EXPH5: variants seen among roughly 807,000 people sequenced by gnomAD.
EXPH5 encodes exophilin 5, also known as exophilin-5.
In EXPH5, 42 loss-of-function variants were observed where a neutral mutation model predicts 41.1. The ratio of observed to expected loss-of-function variants is 1.02; its 90% CI spans 0.80 to 1.32. The LOEUF (loss-of-function observed/expected upper bound fraction) is 1.32, where lower values mean the gene tolerates loss of function less well. Ranked by LOEUF, EXPH5 falls within the 40% of genes most tolerant of loss-of-function variation. EXPH5 has a pLI of 0.00. For missense variants in EXPH5, 2,298 were observed against 2,314.5 expected, an observed-to-expected ratio of 0.99 and a Z score of 0.15; for synonymous variants, 798 against 833.5, an observed-to-expected ratio of 0.96 and a Z score of 0.73.
chr11:108,548,109 T>TAA (rs66485994), intron 1 of EXPH5, among the ~76,000 whole-genome samples: 4,415 of 108,088 alleles, frequency 0.041, 199 homozygotes, highest in African/African-American at 0.075. Flanking sequence ...ACTTCATCTT[T>TAA]AAAAAAAAAA....
chr11:108,523,664 G>C (rs2093779624), intron 4 of EXPH5, among the ~76,000 whole-genome samples: 1 of 152,190 alleles, frequency 6.6e-6, no homozygotes, highest in African/African-American at 2.4e-5. Context: ...TTGAGCTCCA[G>C]AGTTCAAGAC....
At chr11:108,539,966 A>G (rs565326807) in intron 2 of EXPH5, among the ~76,000 whole-genome samples, 128 of 152,174 alleles carry the variant, frequency 8.4e-4, no homozygotes, top group Non-Finnish European at 1.6e-3. Flanking sequence ...TGTATAATAT[A>G]TATGTATAGA....
rs2094134073 is a variant in EXPH5, at chr11:108,593,657, C to G, written c.-121G>C. On this transcript the variant is annotated 5_prime_UTR_variant, in exon 1 of 6. Coordinates refer to ENST00000265843, the MANE Select transcript of EXPH5 (RefSeq NM_015065.3). ...TCCCACAGCCAATAATAAGTCCGCC[C>G]CTTTGAAAGTCTAAAACCACAAACC... 5 of 1,578,802 alleles carry G rather than the reference C, an allele frequency of 3.2e-6. No individual in the cohort carries two copies. The highest frequency in any genetic ancestry group is 3.3e-4 in the Middle Eastern group (2 of 6,036).
the EXPH5 span, among the ~76,000 whole-genome samples, chr11:108,598,849 C>G: frequency 6.6e-6 from 1 of 152,168 alleles, no homozygotes; most frequent in African/African-American, 2.4e-5. Context: ...CAAGGGAGTT[C>G]AGATTCCATC....
At chr11:108,595,333 G>A (rs532404025), upstream of EXPH5, among the ~76,000 whole-genome samples, 1 of 152,356 alleles carries the variant, frequency 6.6e-6, no homozygotes, top group Non-Finnish European at 1.5e-5. Flanking sequence ...AGTGCCAACT[G>A]AGTGGATGGA....
intron 3 of EXPH5, among the ~76,000 whole-genome samples, chr11:108,530,543 C>T (rs536409416): frequency 3.0e-4 from 45 of 152,236 alleles, no homozygotes; most frequent in African/African-American, 1.0e-3. Flanking sequence ...CAAGGGAGGC[C>T]GGGGACTGGC....
At chr11:108,538,048 A>G in intron 3 of EXPH5, 2 of 985,416 alleles carry the variant, frequency 2.0e-6, no homozygotes, top group Non-Finnish European at 2.4e-6. Flanking sequence ...CTTTCATCAG[A>G]CAAAAACAGC....
At chr11:108,586,339 C>T (rs1426221867) in intron 1 of EXPH5, among the ~76,000 whole-genome samples, 1 of 152,150 alleles carries the variant, frequency 6.6e-6, no homozygotes, top group Non-Finnish European at 1.5e-5. Flanking sequence ...GTATTCTGTG[C>T]TTCCATTTAT....
intron 1 of EXPH5, among the ~76,000 whole-genome samples, chr11:108,556,411 A>G (rs1443381377): frequency 6.6e-6 from 1 of 151,982 alleles, no homozygotes; most frequent in Non-Finnish European, 1.5e-5. Flanking sequence ...GGGACCTACT[A>G]CAGGAGAAGG....
At chr11:108,596,064 G>A (rs570411693), upstream of EXPH5, among the ~76,000 whole-genome samples, 19 of 152,100 alleles carry the variant, frequency 1.2e-4, no homozygotes, top group South Asian at 3.9e-3. Flanking sequence ...AGCCCAGCAT[G>A]TGCACCTGTA....
intron 1 of EXPH5, among the ~76,000 whole-genome samples, chr11:108,564,903 C>T (rs1472843476): frequency 1.7e-5 from 2 of 118,420 alleles, no homozygotes; most frequent in Non-Finnish European, 1.7e-5. Context: ...ATATGTGTAG[C>T]TTTTTTTTTT....
intron 3 of EXPH5, among the ~76,000 whole-genome samples, chr11:108,529,441 T>C (rs908266088): frequency 6.6e-6 from 1 of 152,170 alleles, no homozygotes; most frequent in African/African-American, 2.4e-5. Flanking sequence ...CAGGTCATCC[T>C]CCTACCTCAG....
chr11:108,566,717 C>G (rs1487546562), intron 1 of EXPH5, among the ~76,000 whole-genome samples: 1 of 151,880 alleles, frequency 6.6e-6, no homozygotes, highest in East Asian at 1.9e-4. Context: ...ATAAATAATC[C>G]CAGCCCCTCT....
chr11:108,512,168 T>A lies in EXPH5; in HGVS notation c.3339A>T (p.Gly1113=), dbSNP rs1248615578. 6.2e-7 allele frequency: 1 copy of A among 1,612,394 alleles called. No individual in the cohort carries two copies. Among genetic ancestry groups the A allele is most frequent in the Non-Finnish European group, 8.5e-7 (1 of 1,179,316 alleles). The change falls in exon 6 of 6, where the codon GGA becomes GGT. Residue 1113 remains glycine (G), a synonymous_variant. Coordinates refer to ENST00000265843, the MANE Select transcript of EXPH5 (RefSeq NM_015065.3). ...KSSGSTSVRK[G]PLPFLINRAM... is the part of the protein sequence containing the mutation. ...CCCTGTTGATGAGGAATGGAAGTGG[T>A]CCTTTTCTAACGGAAGTAGATCCAC... is the stretch of plus-strand genomic sequence containing the variant.
At chr11:108,600,944 T>C in the EXPH5 span, among the ~76,000 whole-genome samples, 1 of 152,218 alleles carries the variant, frequency 6.6e-6, no homozygotes, top group Non-Finnish European at 1.5e-5. Flanking sequence ...ATACAAGCTG[T>C]TGAAAGAACA....
intron 1 of EXPH5, among the ~76,000 whole-genome samples, chr11:108,577,211 C>G (rs909379490): frequency 5.9e-5 from 9 of 152,110 alleles, no homozygotes; most frequent in Non-Finnish European, 1.3e-4. Flanking sequence ...CATGGAAGTG[C>G]AGAGATCTTT....
rs775416287 is a variant in EXPH5, at chr11:108,514,735, T to C, written c.772A>G (p.Arg258Gly). 5 of 1,611,664 alleles carry C rather than the reference T, an allele frequency of 3.1e-6. No homozygotes were observed. The highest frequency in any genetic ancestry group is 4.2e-6 in the Non-Finnish European group (5 of 1,179,224). ...SGNRHGNITERHKKHYNETSN... is the reference protein window; with the variant it reads ...SGNRHGNITEGHKKHYNETSN... ...GTTTCATTATAGTGTTTTTTGTGCCTTTCTGTGATATTACCATGTCTGTTA... is the reference window on the plus strand; with the variant it reads ...GTTTCATTATAGTGTTTTTTGTGCCCTTCTGTGATATTACCATGTCTGTTA... The change falls in exon 6 of 6, where the codon AGG becomes GGG. Residue 258 changes from arginine to glycine, a missense_variant. Arg to Gly is a moderately radical substitution (Grantham distance 125, BLOSUM62 -2). Transcript: ENST00000265843.
intron 4 of EXPH5, among the ~76,000 whole-genome samples, chr11:108,518,833 C>T (rs1407918465): frequency 2.6e-5 from 4 of 152,100 alleles, no homozygotes; most frequent in African/African-American, 7.2e-5. Context: ...CTAACGAAGC[C>T]GGCTAAAACC....
intron 1 of EXPH5, among the ~76,000 whole-genome samples, chr11:108,584,477 CAA>C (rs1250294021): frequency 9.9e-5 from 13 of 131,850 alleles, no homozygotes; most frequent in Non-Finnish European, 8.1e-5. Context: ...GACCCTGTCT[CAA>C]AAAAAAAAAA....
Sources: allele counts gnomAD v4.1 joint callset (sites outside exome capture counted in the v4.1 genomes callset), GRCh38; gene constraint gnomAD v4.1.1; transcripts MANE v1.5; gene names NCBI Gene and HGNC (gene_info 2026-07-23, HGNC 2026-07-21).